FLG: variants seen among roughly 807,000 people sequenced by gnomAD.
The protein encoded by FLG is epidermal filaggrin.
FLG carries 6 observed loss-of-function variants against 3.8 expected under a neutral mutation model. That is an observed-to-expected ratio of 1.60 (90% confidence interval 0.87 to 3.15). The LOEUF (loss-of-function observed/expected upper bound fraction) is 3.15. FLG is among the 30% of genes most tolerant of loss of function. FLG has a pLI of 0.00. For missense variants in FLG, 7,595 were observed against 5,050.9 expected, an observed-to-expected ratio of 1.50 and a Z score of -15.27; for synonymous variants, 2,551 against 1,931.6, an observed-to-expected ratio of 1.32 and a Z score of -8.41.
chr1:152,309,752 G>T lies in FLG; in HGVS notation c.5134C>A (p.Arg1712=), dbSNP rs188394023. The T allele has an allele frequency of 5.0e-6, 8 of 1,613,938 alleles. 1 individual carries two copies. Among genetic ancestry groups the T allele is most frequent in the South Asian group, 4.4e-5 (4 of 91,068 alleles). ...DSSVVGDSGN[R]GSSGSQASDS... is the part of the protein sequence containing the mutation. ...CTGGCCTGGCTACCACTGGACCCTC[G>T]GTTTCCACTGTCTCCGACTACAGAT... The change falls in exon 3 of 3, where the codon CGA becomes AGA. Residue 1712 remains arginine (R), a synonymous_variant. Transcript: ENST00000368799.
rs76074237 is a variant in FLG at position 152,307,210 on chromosome 1, G to C, written c.7676C>G (p.Thr2559Arg). 301 of 1,612,344 alleles carry C rather than the reference G, an allele frequency of 1.9e-4. 1 individual carries two copies. Among genetic ancestry groups the C allele is most frequent in the African/African-American group, 6.9e-4 (51 of 73,862 alleles). Reference sequence around the variant, plus strand: ...AAAACTGGATCCCCAGTTCCTGCTTGTCCTGGGCCCCTCTGATTGTCCCTG... The same window carrying C: ...AAAACTGGATCCCCAGTTCCTGCTTCTCCTGGGCCCCTCTGATTGTCCCTG... ...VGQGQSEGPR[T>R]SRNWGSSFSQ... The change falls in exon 3 of 3, where the codon ACA (threonine) becomes AGA (arginine). Residue 2559 changes from threonine to arginine, a missense_variant. Physicochemically the swap from Thr to Arg is moderately conservative, Grantham distance 71. Coordinates refer to ENST00000368799, the MANE Select transcript of FLG (RefSeq NM_002016.2).
Position 152,305,121 on chromosome 1 carries a change from C to G in FLG, c.9765G>C (p.Arg3255Ser). Residue 3255 changes from arginine (R) to serine (S), a missense_variant, in exon 3 of 3, where the codon AGG (arginine) becomes AGC (serine). Coordinates refer to ENST00000368799, the MANE Select transcript of FLG (RefSeq NM_002016.2). ...EQSRHGSRHP[R>S]SHHEDRAGHG... The stretch of plus-strand genomic sequence containing the variant: ...GACCGGCTCTGTCTTCGTGATGGGA[C>G]CTGGGGTGTCTGGAGCCGTGCCTTG... The G allele has an allele frequency of 6.2e-7, 1 of 1,613,902 alleles. No homozygotes were observed. Among genetic ancestry groups the G allele is most frequent in the African/African-American group, 1.3e-5 (1 of 74,986 alleles).
In FLG at chr1:152,307,679, G is replaced by A. The variant is rs372607458; in HGVS notation, c.7207C>T (p.Arg2403Trp). The stretch of plus-strand genomic sequence containing the variant: ...GAACGTCCAGACCTTCCTGCTGACC[G>A]GCCACGTGTGGACTCTTGGTGGCTC... Reference protein sequence around the residue: ...QQSHQESTRGRSAGRSGRSGS... With the variant: ...QQSHQESTRGWSAGRSGRSGS... The change falls in exon 3 of 3, where the codon CGG (arginine) becomes TGG (tryptophan). Residue 2403 changes from arginine (R) to tryptophan (W), a missense_variant. Physicochemically the swap from Arg to Trp is moderately radical, Grantham distance 101. Coordinates refer to ENST00000368799, the MANE Select transcript of FLG (RefSeq NM_002016.2). 63 of 1,613,288 alleles carry A rather than the reference G, an allele frequency of 3.9e-5. No individual in the cohort carries two copies. Among genetic ancestry groups the A allele is most frequent in the East Asian group, 1.1e-4 (5 of 44,826 alleles).
rs753764535 is a variant in FLG at position 152,313,510 on chromosome 1, C to G, written c.1376G>C (p.Gly459Ala). 1 of 1,613,924 alleles carries G rather than the reference C, an allele frequency of 6.2e-7. No individual in the cohort carries two copies. Among genetic ancestry groups the G allele is most frequent in the African/African-American group, 1.3e-5 (1 of 74,962 alleles). ...AGACCCTGAACGTCCAGACCGTTCC[C>G]CTGACCGGCCACGTGTGGACTCTTG... is the stretch of plus-strand genomic sequence containing the variant. ...SHQESTRGRSGERSGRSGSSL... is the reference protein window; with the variant it reads ...SHQESTRGRSAERSGRSGSSL... Residue 459 changes from glycine (G) to alanine (A), a missense_variant, in exon 3 of 3, where the codon GGG becomes GCG. Transcript: ENST00000368799.
intron 1 of FLG, among the ~76,000 whole-genome samples, chr1:152,322,580 A>G (rs1653016958): frequency 6.6e-6 from 1 of 151,196 alleles, no homozygotes; most frequent in South Asian, 2.1e-4. Context: ...TACTCAGAAT[A>G]TTATAAAAGT....
chr1:152,312,120 G>T lies in FLG; in HGVS notation c.2766C>A (p.Ile922=), dbSNP rs1652486838. Residue 922 remains isoleucine, a synonymous_variant, in exon 3 of 3, where the codon ATC becomes ATA. Coordinates refer to ENST00000368799, the MANE Select transcript of FLG (RefSeq NM_002016.2). The part of the protein sequence containing the change: ...RHHEASSHAD[I]SRHSQAGQGQ... ...CCTGGCCTGCCTGTGAGTGTCTAGA[G>T]ATGTCGGCATGAGAGGAAGCTTCAT... 1 of 1,614,122 alleles carries T rather than the reference G, an allele frequency of 6.2e-7. No homozygotes were observed. The highest frequency in any genetic ancestry group is 1.3e-5 in the African/African-American group (1 of 75,026).
Position 152,310,942 on chromosome 1 carries a change from T to C in FLG, c.3944A>G (p.Asp1315Gly), listed in dbSNP as rs1443826784. Residue 1315 changes from aspartate to glycine, a missense_variant, in exon 3 of 3, where the codon GAC becomes GGC. By Grantham distance (94) the Asp-to-Gly change is moderately conservative (BLOSUM62 -1). Coordinates refer to ENST00000368799, the MANE Select transcript of FLG (RefSeq NM_002016.2). ...GSRHPGFHQE[D>G]RASHGHSADS... ...TGCAGAGTGCCCGTGACTGGCTCTG[T>C]CTTCTTGATGGAACCCAGGGTGTCT... The C allele has an allele frequency of 6.2e-7, 1 of 1,614,020 alleles. No individual in the cohort carries two copies. The highest frequency in any genetic ancestry group is 1.7e-5 in the Admixed American group (1 of 60,020).
At position 152,307,421 on chromosome 1, in the gene FLG, C is replaced by G; in HGVS notation, c.7465G>C (p.Gly2489Arg). 4 of 1,613,308 alleles carry G rather than the reference C, an allele frequency of 2.5e-6. No individual in the cohort carries two copies. Among genetic ancestry groups the G allele is most frequent in the Non-Finnish European group, 2.5e-6 (3 of 1,179,730 alleles). The change falls in exon 3 of 3, where the codon GGG becomes CGG. Residue 2489 changes from glycine (G) to arginine (R), a missense_variant. Coordinates refer to ENST00000368799, the MANE Select transcript of FLG (RefSeq NM_002016.2). ...GATGTGGTGTGGCTGTGATGAGACC[C>G]TGAGTGTCCAGATCTATCTACCAAT... ...EQLVDRSGHS[G>R]SHHSHTTSQG...
rs752744646 is a variant in FLG, at chr1:152,308,537, A to T, written c.6349T>A (p.Ser2117Thr). ...CTGTCTTGTGCCTGATCATAATGGG[A>T]TCCTTGTCTTCCTCCAGTGCTGGGC... is the stretch of plus-strand genomic sequence containing the variant. The part of the protein sequence containing the change: ...SAPSTGGRQG[S>T]HYDQAQDSSR... The change falls in exon 3 of 3, where the codon TCC becomes ACC. Residue 2117 changes from serine to threonine, a missense_variant. By Grantham distance (58) the Ser-to-Thr change is moderately conservative (BLOSUM62 1). Coordinates refer to ENST00000368799, the MANE Select transcript of FLG (RefSeq NM_002016.2). 6.2e-7 allele frequency: 1 copy of T among 1,612,568 alleles called. No individual in the cohort carries two copies. The highest frequency in any genetic ancestry group is 1.1e-5 in the South Asian group (1 of 90,964).
rs754233043 is a variant in FLG at position 152,309,702 on chromosome 1, C to A, written c.5184G>T (p.Glu1728Asp). The A allele has an allele frequency of 3.1e-6, 5 of 1,613,602 alleles. No homozygotes were observed. The Admixed American group carries it at 5.0e-5, about 16-fold the overall frequency. ...QASDSEGHSE[E>D]SDTQSVSAHG... ...GGGCTGACACTGACTGTGTGTCTGA[C>A]TCTTCTGAGTGTCCCTCGCTGTCAC... The change falls in exon 3 of 3, where the codon GAG becomes GAT. Residue 1728 changes from glutamate (E) to aspartate (D), a missense_variant. Transcript: ENST00000368799.
At position 152,302,923 on chromosome 1, in the gene FLG, T is replaced by A. The variant is rs1411400781; in HGVS notation, c.11963A>T (p.Glu3988Val). ...SYGSADYDYG[E>V]SGFRHSQHGS... is the part of the protein sequence containing the mutation. ...GTGCTGAGAGTGTCTAAACCCGGAT[T>A]CACCATAATCATAATCTGCACTACC... The change falls in exon 3 of 3, where the codon GAA becomes GTA. Residue 3988 changes from glutamate to valine, a missense_variant. Coordinates refer to ENST00000368799, the MANE Select transcript of FLG (RefSeq NM_002016.2). The A allele has an allele frequency of 1.9e-6, 3 of 1,614,082 alleles. No individual in the cohort carries two copies. The highest frequency in any genetic ancestry group is 2.5e-6 in the Non-Finnish European group (3 of 1,180,050).
Position 152,311,304 on chromosome 1 carries a change from A to G in FLG, c.3582T>C (p.His1194=), listed in dbSNP as rs1348694367. ...TTCCCTGGGATGTGGTGTGGCTGTG[A>G]TGGGACCCTGAGTGTCCAGATCTAT... ...SVDRSGHSGS[H]HSHTTSQGRS... The change falls in exon 3 of 3, where the codon CAT becomes CAC. Residue 1194 remains histidine, a synonymous_variant. Transcript: ENST00000368799. The G allele has an allele frequency of 6.8e-6, 11 of 1,613,672 alleles. No individual in the cohort carries two copies. Among genetic ancestry groups the G allele is most frequent in the Non-Finnish European group, 9.3e-6 (11 of 1,179,932 alleles).
chr1:152,312,898 T>C lies in FLG; in HGVS notation c.1988A>G (p.His663Arg). The C allele has an allele frequency of 6.2e-7, 1 of 1,614,054 alleles. No homozygotes were observed. The highest frequency in any genetic ancestry group is 8.5e-7 in the Non-Finnish European group (1 of 1,180,022). The change falls in exon 3 of 3, where the codon CAT becomes CGT. Residue 663 changes from histidine (H) to arginine (R), a missense_variant. By Grantham distance (29) the His-to-Arg change is conservative. Transcript: ENST00000368799. ...SRDGSRHPRSHHEDRAGHGHS... is the reference protein window; with the variant it reads ...SRDGSRHPRSRHEDRAGHGHS... ...CCCATGACCAGCTCTGTCTTCGTGA[T>C]GGGACCTGGGGTGTCTGGAGCCATC...
In FLG at chr1:152,310,812, T is replaced by G; in HGVS notation, c.4074A>C (p.Gly1358=). 1.9e-6 allele frequency: 3 copies of G among 1,612,014 alleles called. No individual in the cohort carries two copies. The highest frequency in any genetic ancestry group is 2.5e-6 in the Non-Finnish European group (3 of 1,179,134). The stretch of plus-strand genomic sequence containing the variant: ...TGTCTGCTGACTGCTGGTGGCGGGA[T>G]CCATGTCTTTCTCCTGGACTTGATC... ...QARSSPGERH[G]SRHQQSADSS... Residue 1358 remains glycine, a synonymous_variant, in exon 3 of 3, where the codon GGA becomes GGC. Transcript: ENST00000368799.
At chr1:152,317,035 C>T (rs1044397734) in intron 1 of FLG, among the ~76,000 whole-genome samples, 7 of 152,040 alleles carry the variant, frequency 4.6e-5, no homozygotes, top group Non-Finnish European at 8.8e-5. Flanking sequence ...TATACCTTGC[C>T]TTCACTTTAT....
chr1:152,303,152 G>A lies in FLG; in HGVS notation c.11734C>T (p.His3912Tyr). Residue 3912 changes from histidine to tyrosine, a missense_variant, in exon 3 of 3, where the codon CAT (histidine) becomes TAT (tyrosine). Physicochemically the swap from His to Tyr is moderately conservative, Grantham distance 83 (BLOSUM62 2). Coordinates refer to ENST00000368799, the MANE Select transcript of FLG (RefSeq NM_002016.2). ...PGSSHRDTAS[H>Y]VQSSPVQSDS... ...GACTGTACAGGTGAAGACTGTACAT[G>A]ACTGGCTGTATCGCGGTGAGAGGAT... 1 of 1,614,176 alleles carries A rather than the reference G, an allele frequency of 6.2e-7. No individual in the cohort carries two copies. Among genetic ancestry groups the A allele is most frequent in the East Asian group, 2.2e-5 (1 of 44,884 alleles).
chr1:152,311,023 C>T lies in FLG; in HGVS notation c.3863G>A (p.Gly1288Glu), dbSNP rs542281846. 1 of 1,613,674 alleles carries T rather than the reference C, an allele frequency of 6.2e-7. No individual in the cohort carries two copies. The highest frequency in any genetic ancestry group is 1.3e-5 in the African/African-American group (1 of 74,858). ...RHSDDSERLS[G>E]SASRNHHGSS... ...TCCATGATGGTTTCTGGAAGCAGAC[C>T]CAGACAACCTCTCGGAGTCGTCTGA... is the stretch of plus-strand genomic sequence containing the variant. The change falls in exon 3 of 3, where the codon GGG becomes GAG. Residue 1288 changes from glycine to glutamate, a missense_variant. Coordinates refer to ENST00000368799, the MANE Select transcript of FLG (RefSeq NM_002016.2).
chr1:152,308,250 T>G lies in FLG; in HGVS notation c.6636A>C (p.Glu2212Asp). The change falls in exon 3 of 3, where the codon GAA becomes GAC. Residue 2212 changes from glutamate (E) to aspartate (D), a missense_variant. By Grantham distance (45) the Glu-to-Asp change is conservative. Coordinates refer to ENST00000368799, the MANE Select transcript of FLG (RefSeq NM_002016.2). ...TAGAGCTGTCGGCCCAAGAGGAAGCTTCATGATGATGCGACCCTGAGTGCC... is the reference window on the plus strand; with the variant it reads ...TAGAGCTGTCGGCCCAAGAGGAAGCGTCATGATGATGCGACCCTGAGTGCC... The part of the protein sequence containing the change: ...GSRHSGSHHH[E>D]ASSWADSSRH... 1 of 1,614,016 alleles carries G rather than the reference T, an allele frequency of 6.2e-7. No homozygotes were observed. Among genetic ancestry groups the G allele is most frequent in the Non-Finnish European group, 8.5e-7 (1 of 1,179,946 alleles).
rs777468644 is a variant in FLG, at chr1:152,308,358, C to A, written c.6528G>T (p.Arg2176Ser). 3.7e-6 allele frequency: 6 copies of A among 1,613,686 alleles called. No individual in the cohort carries two copies. The South Asian group carries it at 6.6e-5, about 18-fold the overall frequency. ...SHHSHTTSQGRSDASRGQSGS... is the reference protein window; with the variant it reads ...SHHSHTTSQGSSDASRGQSGS... The stretch of plus-strand genomic sequence containing the variant: ...CTGACTGCCCACGGGAGGCATCAGA[C>A]CTTCCCTGGGATGTGGTGTGGCTGT... Residue 2176 changes from arginine to serine, a missense_variant, in exon 3 of 3, where the codon AGG (arginine) becomes AGT (serine). Coordinates refer to ENST00000368799, the MANE Select transcript of FLG (RefSeq NM_002016.2).
Sources: allele counts gnomAD v4.1 joint callset (sites outside exome capture counted in the v4.1 genomes callset), GRCh38; gene constraint gnomAD v4.1.1; transcripts MANE v1.5; gene names NCBI Gene and HGNC (gene_info 2026-07-23, HGNC 2026-07-21).